NPSR1: variants seen among roughly 807,000 people sequenced by gnomAD.
NPSR1 encodes the protein neuropeptide S receptor 1.
NPSR1 carries 48 observed loss-of-function variants against 46.9 expected under a neutral mutation model. The ratio of observed to expected loss-of-function variants is 1.02; its 90% CI spans 0.81 to 1.30. The LOEUF is 1.30. Among genes scored for constraint, NPSR1 ranks in the 50% most tolerant of loss-of-function variants. The probability of loss-of-function intolerance (pLI) is 0.00; values close to 1 mark genes in which losing one functional copy is unlikely to be tolerated. For missense variants in NPSR1, 450 were observed against 449.5 expected, an observed-to-expected ratio of 1.00 and a Z score of -0.01; for synonymous variants, 176 against 168.1, an observed-to-expected ratio of 1.05 and a Z score of -0.36.
chr7:34,811,145 C>T (rs1213422971), intron 3 of NPSR1, among the ~76,000 whole-genome samples: 1 of 152,148 alleles, frequency 6.6e-6, no homozygotes. Flanking sequence ...TCAGTGCCCT[C>T]TTGGTGGCCA....
chr7:34,666,803 T>C (rs1052410764), intron 1 of NPSR1, among the ~76,000 whole-genome samples: 1 of 152,154 alleles, frequency 6.6e-6, no homozygotes, highest in African/African-American at 2.4e-5. Context: ...GATCTGCCCA[T>C]GGTTTTTGTC....
chr7:34,794,480 T>C (rs1022175768), intron 3 of NPSR1, among the ~76,000 whole-genome samples: 2 of 152,162 alleles, frequency 1.3e-5, no homozygotes, highest in African/African-American at 2.4e-5. Flanking sequence ...CAGTCTATTA[T>C]AACTCATACA....
At chr7:34,768,856 T>A (rs532291205) in intron 2 of NPSR1, among the ~76,000 whole-genome samples, 3 of 152,216 alleles carry the variant, frequency 2.0e-5, no homozygotes, top group African/African-American at 7.2e-5. Context: ...ATAAGGAGGA[T>A]GCGGTGACTG....
chr7:34,866,526 T>C (rs1791318888), intron 8 of NPSR1, among the ~76,000 whole-genome samples: 1 of 151,640 alleles, frequency 6.6e-6, no homozygotes, highest in Non-Finnish European at 1.5e-5. Flanking sequence ...ATAAGCCCCT[T>C]TTTCCTTGAC....
At chr7:34,763,803 C>T (rs759435806) in intron 2 of NPSR1, among the ~76,000 whole-genome samples, 13 of 152,198 alleles carry the variant, frequency 8.5e-5, no homozygotes, top group African/African-American at 1.2e-4. Context: ...GATCACTCAA[C>T]GCTCTCCATT....
chr7:34,785,132 A>G (rs1264968061), intron 3 of NPSR1, among the ~76,000 whole-genome samples: 3 of 151,918 alleles, frequency 2.0e-5, no homozygotes, highest in Admixed American at 1.3e-4. Flanking sequence ...GAACCAACCC[A>G]AATGTCCAAC....
In NPSR1 at chr7:34,827,520, C is replaced by A. The variant is rs552751963; in HGVS notation, c.598C>A (p.Leu200Met). ...LSNGEVQCWA[L>M]WPDDSYWTPY... is the part of the protein sequence containing the mutation. ...CAACGGTGAAGTGCAGTGCTGGGCC[C>A]TGTGGCCTGACGACTCCTACTGGAC... The change falls in exon 5 of 9, where the codon CTG becomes ATG. Residue 200 changes from leucine (L) to methionine (M), a missense_variant. By Grantham distance (15) the Leu-to-Met change is conservative. Coordinates refer to ENST00000360581, the MANE Select transcript of NPSR1 (RefSeq NM_207172.2). 6.2e-7 allele frequency: 1 copy of A among 1,613,316 alleles called. No homozygotes were observed. The highest frequency in any genetic ancestry group is 1.1e-5 in the South Asian group (1 of 91,062).
chr7:34,690,222 A>C lies in NPSR1; in HGVS notation c.280+5538A>C, dbSNP rs983253087. Among the ~76,000 whole-genome samples the C allele has an allele frequency of 3.2e-4, 49 of 152,114 alleles. 1 individual carries two copies. The highest frequency in any genetic ancestry group is 1.2e-3 in the African/African-American group (49 of 41,444). On this transcript the variant is annotated intron_variant, in intron 2 of 8. Coordinates refer to ENST00000360581, the MANE Select transcript of NPSR1 (RefSeq NM_207172.2). The stretch of plus-strand genomic sequence containing the variant: ...GGACCTTACACAACATAAACTATAG[A>C]CATCTCCTCAGATGAGGAAAAAAGT...
chr7:34,659,295 A>G (rs947317359), intron 1 of NPSR1, among the ~76,000 whole-genome samples: 1 of 152,200 alleles, frequency 6.6e-6, no homozygotes, highest in Non-Finnish European at 1.5e-5. Flanking sequence ...TTGCCTCAGA[A>G]TGCTGGGTTG....
chr7:34,791,076 ATG>A (rs1391657566), intron 3 of NPSR1, among the ~76,000 whole-genome samples: 3 of 119,854 alleles, frequency 2.5e-5, no homozygotes, highest in Non-Finnish European at 4.8e-5. Context: ...TATATTATAT[ATG>A]TTATATGTTA....
At chr7:34,686,713 C>T (rs554204520) in intron 2 of NPSR1, among the ~76,000 whole-genome samples, 22 of 152,006 alleles carry the variant, frequency 1.4e-4, no homozygotes, top group African/African-American at 5.3e-4. Context: ...CATGCTGTCC[C>T]TAACGAGGCA....
At chr7:34,723,522 T>TAAAC (rs1458406305) in intron 2 of NPSR1, 2 of 137,746 alleles carry the variant, frequency 1.5e-5, no homozygotes, top group African/African-American at 5.1e-5. Flanking sequence ...ATAGCATAAA[T>TAAAC]AAATAAATAA....
intron 1 of NPSR1, among the ~76,000 whole-genome samples, chr7:34,678,103 G>A (rs563787295): frequency 6.6e-6 from 1 of 151,028 alleles, no homozygotes; most frequent in South Asian, 2.1e-4. Context: ...CTTCATCCAA[G>A]AATGAAAGTT....
At chr7:34,693,377 C>A (rs1291719744) in intron 2 of NPSR1, among the ~76,000 whole-genome samples, 2 of 152,176 alleles carry the variant, frequency 1.3e-5, no homozygotes, top group African/African-American at 2.4e-5. Flanking sequence ...TCTGTGCACA[C>A]AAACTAGAAA....
At chr7:34,803,779 G>A (rs1788552499) in intron 3 of NPSR1, among the ~76,000 whole-genome samples, 1 of 149,152 alleles carries the variant, frequency 6.7e-6, no homozygotes, top group Non-Finnish European at 1.5e-5. Flanking sequence ...GAAGAGGGAA[G>A]CCACAAGTTA....
intron 1 of NPSR1, among the ~76,000 whole-genome samples, chr7:34,664,191 G>C (rs773944283): frequency 6.6e-6 from 1 of 152,224 alleles, no homozygotes; most frequent in Non-Finnish European, 1.5e-5. Context: ...GTGGCTCAGA[G>C]AGCAGGCTTT....
intron 2 of NPSR1, among the ~76,000 whole-genome samples, chr7:34,766,761 G>A (rs925679159): frequency 6.6e-6 from 1 of 152,048 alleles, no homozygotes; most frequent in Non-Finnish European, 1.5e-5. Flanking sequence ...TTTTAGTAGA[G>A]ACGGGGTTTC....
chr7:34,703,760 G>T (rs1260494504), intron 2 of NPSR1: 1 of 152,528 alleles, frequency 6.6e-6, no homozygotes, highest in Non-Finnish European at 1.5e-5. Flanking sequence ...TTTTCTGGAT[G>T]AATTTAATAA....
chr7:34,666,924 A>G (rs1583765284), intron 1 of NPSR1, among the ~76,000 whole-genome samples: 2 of 152,336 alleles, frequency 1.3e-5, no homozygotes. Context: ...CCCCCTCCTC[A>G]AAGAAAAGGG....
Sources: allele counts gnomAD v4.1 joint callset (sites outside exome capture counted in the v4.1 genomes callset), GRCh38; gene constraint gnomAD v4.1.1; transcripts MANE v1.5; gene names NCBI Gene and HGNC (gene_info 2026-07-23, HGNC 2026-07-21).